The following MGRN1 variants were observed in gnomAD, a reference collection of about 807,000 sequenced individuals.
The protein encoded by MGRN1 is mahogunin ring finger 1.
Under a neutral mutation model 69.2 loss-of-function variants are expected in MGRN1, and 29 were observed. The ratio of observed to expected loss-of-function variants is 0.42; its 90% CI spans 0.31 to 0.57. The LOEUF (loss-of-function observed/expected upper bound fraction) is 0.57. Ranked by LOEUF, MGRN1 falls within the 20% of genes least tolerant of loss-of-function variation. The probability of loss-of-function intolerance (pLI) is 0.15; values close to 1 mark genes in which losing one functional copy is unlikely to be tolerated. For missense variants in MGRN1, 998 were observed against 796.2 expected (o/e 1.25, Z -3.05); for synonymous variants, 470 against 344.2 (o/e 1.37, Z -4.04).
At position 4,689,156 on chromosome 16, in the gene MGRN1, G is replaced by A; in HGVS notation, c.*248G>A. On this transcript the variant is annotated 3_prime_UTR_variant, in exon 17 of 17. Coordinates refer to ENST00000262370, the MANE Select transcript of MGRN1 (RefSeq NM_015246.4). ...AGCAGCTTTCCATCCCTAGTTCAGA[G>A]CCCCCGTTCCCCAGGGTCCTGTGGG... 2.0e-6 allele frequency: 1 copy of A among 506,230 alleles called. No homozygotes were observed. Among genetic ancestry groups the A allele is most frequent in the Non-Finnish European group, 3.3e-6 (1 of 307,412 alleles). The allele number at this position is 506,230 out of a possible 1,614,324, so 31.4% of individuals were successfully genotyped here. A position where few individuals can be genotyped will look rare whatever the true frequency, so the allele number is the denominator to read the frequency against.
chr16:4,687,145 C>T, intron 16 of MGRN1: 1 of 985,426 alleles, frequency 1.0e-6, no homozygotes, highest in African/African-American at 1.7e-5. Context: ...CCTCCCAGTA[C>T]TGGAACCTTC....
At position 4,689,102 on chromosome 16, in the gene MGRN1, A is replaced by G; in HGVS notation, c.*194A>G. The stretch of plus-strand genomic sequence containing the variant: ...TGAGTCTCCCTTTTCTACAGTTGAT[A>G]TATTTGTAACTGGTACAAGATGAAG... On this transcript the variant is annotated 3_prime_UTR_variant, in exon 17 of 17. Coordinates refer to ENST00000262370, the MANE Select transcript of MGRN1 (RefSeq NM_015246.4). 1.4e-6 allele frequency: 1 copy of G among 710,048 alleles called. No homozygotes were observed. The highest frequency in any genetic ancestry group is 2.2e-6 in the Non-Finnish European group (1 of 462,202). The allele number at this position is 710,048 out of a possible 1,614,324, so 44.0% of individuals were successfully genotyped here. A position where few individuals can be genotyped will look rare whatever the true frequency, so the allele number is the denominator to read the frequency against.
intron 5 of MGRN1, chr16:4,658,943 G>C (rs1419142112): frequency 6.6e-6 from 1 of 152,218 alleles, no homozygotes; most frequent in Admixed American, 6.5e-5. Context: ...GCTGCAGTGA[G>C]CCATGATCGT....
chr16:4,657,365 TA>T lies in MGRN1; in HGVS notation c.561+4del. Reference sequence around the variant, plus strand: ...TTCTCGGAATGGAAGGATGACGAGGTAATGCTGGCTGGGCGGCTCCTTGCCC... The same window carrying T: ...TTCTCGGAATGGAAGGATGACGAGGTATGCTGGCTGGGCGGCTCCTTGCCC... On this transcript the variant is annotated splice_donor_region_variant and intron_variant, in intron 5 of 16. Coordinates refer to ENST00000262370, the MANE Select transcript of MGRN1 (RefSeq NM_015246.4). The T allele has an allele frequency of 6.2e-7, 1 of 1,613,422 alleles. No homozygotes were observed. The highest frequency in any genetic ancestry group is 1.7e-5 in the Admixed American group (1 of 60,024).
intron 4 of MGRN1, 63 bp from the exon 5 acceptor site, chr16:4,657,183 G>C: frequency 4.7e-6 from 7 of 1,482,616 alleles, no homozygotes; most frequent in Non-Finnish European, 6.6e-6. Context: ...CGGAGTGGGA[G>C]GGACGGGCAC....
At chr16:4,676,524 A>T (rs1432154742) in intron 10 of MGRN1, among the ~76,000 whole-genome samples, 1 of 152,170 alleles carries the variant, frequency 6.6e-6, no homozygotes, top group Non-Finnish European at 1.5e-5. Context: ...AGCCTCAAGG[A>T]CGTGGCGGTA....
At chr16:4,659,583 G>A (rs1046416243) in intron 5 of MGRN1, among the ~76,000 whole-genome samples, 17 of 152,242 alleles carry the variant, frequency 1.1e-4, no homozygotes, top group African/African-American at 3.9e-4. Flanking sequence ...ACCCGCCAGG[G>A]GGCCTTTGGT....
chr16:4,681,398 A>G (rs2079179373), intron 12 of MGRN1, 152 bp from the exon 13 acceptor site: 4 of 660,394 alleles, frequency 6.1e-6, no homozygotes, highest in South Asian at 2.1e-5. Context: ...CAGGGAGGGC[A>G]TCGGTGCTGC....
chr16:4,644,068 C>T (rs935219741), intron 1 of MGRN1, among the ~76,000 whole-genome samples: 3 of 151,966 alleles, frequency 2.0e-5, no homozygotes, highest in Non-Finnish European at 4.4e-5. Flanking sequence ...ACCTCTGCCT[C>T]CCAGATGCAA....
At chr16:4,650,750 C>G (rs1029520592) in intron 2 of MGRN1, 2 of 336,466 alleles carry the variant, frequency 5.9e-6, no homozygotes, top group African/African-American at 2.1e-5. Flanking sequence ...TGGGCTGCAA[C>G]GGCTGCGGAA....
chr16:4,671,973 T>A (rs1450820014), intron 9 of MGRN1, among the ~76,000 whole-genome samples: 1 of 152,242 alleles, frequency 6.6e-6, no homozygotes, highest in Non-Finnish European at 1.5e-5. Flanking sequence ...CAGGGAGATC[T>A]TGGCTCACTG....
chr16:4,636,972 A>G (rs1898327599), intron 1 of MGRN1, among the ~76,000 whole-genome samples: 2 of 151,654 alleles, frequency 1.3e-5, no homozygotes, highest in African/African-American at 4.8e-5. Flanking sequence ...ACAAACAATT[A>G]GCAGGGCACG....
chr16:4,632,629 C>T (rs1311782310), intron 1 of MGRN1, among the ~76,000 whole-genome samples: 1 of 152,016 alleles, frequency 6.6e-6, no homozygotes, highest in East Asian at 1.9e-4. Flanking sequence ...CTCCTGACCT[C>T]TTGATCCGCC....
chr16:4,680,296 G>T (rs1030589991), intron 12 of MGRN1, 199 bp downstream of exon 12: 19 of 568,396 alleles, frequency 3.3e-5, no homozygotes, highest in Non-Finnish European at 5.8e-5. Flanking sequence ...GAAACGCCAG[G>T]TGCGCTGGCC....
intron 5 of MGRN1, 71 bp from the exon 6 acceptor site, chr16:4,664,638 T>A (rs1659479): frequency 7.3e-6 from 11 of 1,511,598 alleles, no homozygotes; most frequent in South Asian, 1.1e-5. Context: ...TCCAGCTCAT[T>A]TGTTGACCGA....
At chr16:4,678,625 T>C (rs1596313422) in intron 11 of MGRN1, among the ~76,000 whole-genome samples, 1 of 151,732 alleles carries the variant, frequency 6.6e-6, no homozygotes, top group Non-Finnish European at 1.5e-5. Flanking sequence ...GGGGCTGTGG[T>C]GGGCAGGGAG....
chr16:4,643,157 T>C (rs2078199652), intron 1 of MGRN1, among the ~76,000 whole-genome samples: 1 of 152,024 alleles, frequency 6.6e-6, no homozygotes, highest in African/African-American at 2.4e-5. Context: ...GATTTCGCCA[T>C]GTTGGCCAGG....
At chr16:4,661,814 G>A (rs150910599) in intron 5 of MGRN1, among the ~76,000 whole-genome samples, 153 of 152,348 alleles carry the variant, frequency 1.0e-3, no homozygotes, top group African/African-American at 3.6e-3. Context: ...GTGTGGACTT[G>A]GTCTCCAGGC....
At chr16:4,635,747 G>A (rs986828390) in intron 1 of MGRN1, among the ~76,000 whole-genome samples, 1 of 148,586 alleles carries the variant, frequency 6.7e-6, no homozygotes, top group Non-Finnish European at 1.5e-5. Flanking sequence ...CGACTCTCCC[G>A]CCAAAGCCTC....
Sources: allele counts gnomAD v4.1 joint callset (sites outside exome capture counted in the v4.1 genomes callset), GRCh38; gene constraint gnomAD v4.1.1; transcripts MANE v1.5; gene names NCBI Gene and HGNC (gene_info 2026-07-23, HGNC 2026-07-21).